GTF2I: variants seen among roughly 807,000 people sequenced by gnomAD.
GTF2I encodes general transcription factor IIi, also known as general transcription factor II-I.
A neutral mutation model predicts 67.6 loss-of-function variants in GTF2I; 12 were observed. The ratio of observed to expected loss-of-function variants is 0.18; its 90% CI spans 0.11 to 0.29. GTF2I has a LOEUF of 0.29. Ranked by LOEUF, GTF2I falls within the 10% of genes least tolerant of loss-of-function variation. The pLI is 1.00. For synonymous variants in GTF2I, 149 were observed against 197.0 expected (o/e 0.76, Z 2.04); for missense variants, 271 against 580.1 (o/e 0.47, Z 5.47).
intron 12 of GTF2I, among the ~76,000 whole-genome samples, chr7:74,721,623 A>T (rs1374905916): frequency 6.6e-6 from 1 of 152,100 alleles, no homozygotes; most frequent in Admixed American, 6.5e-5. Flanking sequence ...AAACTGTCTC[A>T]ATATTAACAA....
intron 3 of GTF2I, among the ~76,000 whole-genome samples, chr7:74,695,446 C>G (rs1297968610): frequency 6.6e-6 from 1 of 152,100 alleles, no homozygotes; most frequent in Non-Finnish European, 1.5e-5. Context: ...TTACTTTATA[C>G]TTGTATTATT....
chr7:74,719,493 T>C (rs1554404172), intron 12 of GTF2I, among the ~76,000 whole-genome samples: 3 of 152,252 alleles, frequency 2.0e-5, no homozygotes, highest in African/African-American at 7.2e-5. Flanking sequence ...AAACCTGTTT[T>C]TTTCTCCAAA....
chr7:74,671,524 C>A (rs182256528), intron 1 of GTF2I, among the ~76,000 whole-genome samples: 1 of 150,820 alleles, frequency 6.6e-6, no homozygotes, highest in Admixed American at 6.6e-5. Flanking sequence ...GCTTTAAGTA[C>A]GAATACAACA....
At chr7:74,728,300 TCAAAAACAAAAA>T (rs587625776) in intron 12 of GTF2I, among the ~76,000 whole-genome samples, 12 of 151,948 alleles carry the variant, frequency 7.9e-5, no homozygotes, top group Non-Finnish European at 1.0e-4. Context: ...ATTCTCTGTC[TCAAAAACAAAAA>T]CAAAAACAAA....
intron 2 of GTF2I, among the ~76,000 whole-genome samples, chr7:74,690,076 G>A (rs1485660112): frequency 5.3e-5 from 8 of 152,074 alleles, no homozygotes; most frequent in African/African-American, 1.2e-4. Context: ...ATTAGCCAGC[G>A]TGGCAGCGTG....
At chr7:74,691,871 T>C (rs1323751191) in intron 3 of GTF2I, among the ~76,000 whole-genome samples, 4 of 151,826 alleles carry the variant, frequency 2.6e-5, no homozygotes, top group African/African-American at 9.7e-5. Flanking sequence ...CCACCTCCCA[T>C]GTTCAAGCAA....
At chr7:74,721,576 TCAA>T (rs1793003573) in intron 12 of GTF2I, among the ~76,000 whole-genome samples, 1 of 151,830 alleles carries the variant, frequency 6.6e-6, no homozygotes, top group African/African-American at 2.4e-5. Context: ...AGAAATTACA[TCAA>T]CAATTAAATT....
chr7:74,709,677 T>TC (rs1791257841), intron 8 of GTF2I, among the ~76,000 whole-genome samples: 3 of 151,366 alleles, frequency 2.0e-5, no homozygotes, highest in Non-Finnish European at 4.4e-5. Flanking sequence ...TTTCTTTCTT[T>TC]ATTTTTTTTT....
chr7:74,700,879 A>G (rs984442103), intron 6 of GTF2I, among the ~76,000 whole-genome samples: 1 of 152,200 alleles, frequency 6.6e-6, no homozygotes, highest in Non-Finnish European at 1.5e-5. Context: ...CTCACTTACC[A>G]GAATTATGAG....
At chr7:74,669,704 T>G (rs1805293766) in intron 1 of GTF2I, among the ~76,000 whole-genome samples, 1 of 152,020 alleles carries the variant, frequency 6.6e-6, no homozygotes, top group Non-Finnish European at 1.5e-5. Flanking sequence ...CAGCAATTTT[T>G]GTATTATTAG....
intron 3 of GTF2I, among the ~76,000 whole-genome samples, chr7:74,694,917 C>T (rs1554398018): frequency 6.6e-6 from 1 of 152,142 alleles, no homozygotes; most frequent in Non-Finnish European, 1.5e-5. Context: ...TGAAGAGTTA[C>T]ACTAAATCTG....
In GTF2I at chr7:74,732,344, A is replaced by G. The variant is rs1397813303; in HGVS notation, c.1121-135A>G. On this transcript the variant is annotated intron_variant, in intron 14 of 34. Coordinates refer to ENST00000573035, the MANE Select transcript of GTF2I (RefSeq NM_032999.4). ...AACCGAGATCACACCACTGCACTGC[A>G]GCCTGGGAGACACAGCAAGACTCCA... 16 of 1,203,718 alleles carry G rather than the reference A, an allele frequency of 1.3e-5. No individual in the cohort carries two copies. The African/African-American group carries it at 2.2e-4, about 17-fold the overall frequency. 74.6% of individuals were successfully genotyped at this position (1,203,718 alleles called of 1,614,324 possible). A position where few individuals can be genotyped will look rare whatever the true frequency, so the allele number is the denominator to read the frequency against.
intron 12 of GTF2I, among the ~76,000 whole-genome samples, chr7:74,725,950 G>C (rs782622795): frequency 2.6e-5 from 4 of 151,634 alleles, no homozygotes; most frequent in Non-Finnish European, 4.4e-5. Context: ...AAAAAGTGAA[G>C]TCTTTTCAGT....
intron 4 of GTF2I, 145 bp downstream of exon 4, chr7:74,699,240 T>C: frequency 2.3e-6 from 1 of 426,342 alleles, no homozygotes; most frequent in Non-Finnish European, 4.1e-6. Context: ...TTTCTTCCAC[T>C]TCCATTTTGA....
intron 1 of GTF2I, among the ~76,000 whole-genome samples, chr7:74,659,627 G>A (rs1804291252): frequency 6.6e-6 from 1 of 152,094 alleles, no homozygotes; most frequent in Non-Finnish European, 1.5e-5. Context: ...GAATCAAGCT[G>A]AAAGCAATCG....
At chr7:74,694,715 C>G (rs983357247) in intron 3 of GTF2I, among the ~76,000 whole-genome samples, 54 of 152,202 alleles carry the variant, frequency 3.5e-4, no homozygotes, top group African/African-American at 1.3e-3. Flanking sequence ...TGGCTACACT[C>G]ACAAAACCCG....
At chr7:74,725,534 A>G (rs1793651830) in intron 12 of GTF2I, among the ~76,000 whole-genome samples, 1 of 150,928 alleles carries the variant, frequency 6.6e-6, no homozygotes, top group Non-Finnish European at 1.5e-5. Context: ...CAAAAGTTAA[A>G]AAAAAAAAAA....
intron 12 of GTF2I, among the ~76,000 whole-genome samples, chr7:74,720,516 C>T (rs1554404373): frequency 6.6e-6 from 1 of 152,006 alleles, no homozygotes; most frequent in East Asian, 1.9e-4. Context: ...AAACATTTTG[C>T]ATTGTTTACA....
chr7:74,737,237 T>C (rs1554407557), intron 18 of GTF2I, among the ~76,000 whole-genome samples: 1 of 149,486 alleles, frequency 6.7e-6, no homozygotes, highest in Non-Finnish European at 1.5e-5. Flanking sequence ...TGAAGTGTTA[T>C]TGAGCGTTTT....
Sources: allele counts gnomAD v4.1 joint callset (sites outside exome capture counted in the v4.1 genomes callset), GRCh38; gene constraint gnomAD v4.1.1; transcripts MANE v1.5; gene names NCBI Gene and HGNC (gene_info 2026-07-23, HGNC 2026-07-21).